SORCS1: variants seen among roughly 807,000 people sequenced by gnomAD.
SORCS1 encodes sortilin related VPS10 domain containing receptor 1.
A neutral mutation model predicts 146.1 loss-of-function variants in SORCS1; 60 were observed. That is an observed-to-expected ratio of 0.41 (90% confidence interval 0.33 to 0.51). The LOEUF is 0.51. SORCS1 is among the 20% of genes least tolerant of loss of function. The pLI is 0.21. For missense variants in SORCS1, 1,352 were observed against 1,487.6 expected (o/e 0.91, Z 1.50); for synonymous variants, 637 against 584.0 (o/e 1.09, Z -1.31).
intron 4 of SORCS1, among the ~76,000 whole-genome samples, chr10:106,775,954 A>C (rs1359873107): frequency 2.0e-5 from 3 of 152,240 alleles, no homozygotes; most frequent in African/African-American, 7.2e-5. Context: ...ATATACACAC[A>C]CACAGCTAAT....
At chr10:106,786,402 G>A (rs1457698861) in intron 3 of SORCS1, among the ~76,000 whole-genome samples, 1 of 152,076 alleles carries the variant, frequency 6.6e-6, no homozygotes, top group Non-Finnish European at 1.5e-5. Context: ...ACATCCTCCA[G>A]GACCCCCCAT....
At chr10:106,907,654 C>T (rs960374261) in intron 2 of SORCS1, among the ~76,000 whole-genome samples, 7 of 151,990 alleles carry the variant, frequency 4.6e-5, no homozygotes, top group South Asian at 2.1e-4. Context: ...CGGTTAGGTG[C>T]GGTGGCTCAC....
chr10:106,678,997 T>C (rs1007468807), intron 12 of SORCS1, among the ~76,000 whole-genome samples: 6 of 152,160 alleles, frequency 3.9e-5, no homozygotes, highest in African/African-American at 1.4e-4. Flanking sequence ...CTTAATTTGG[T>C]TTCATTGTGA....
chr10:107,035,434 G>C (rs1958866161), intron 1 of SORCS1, among the ~76,000 whole-genome samples: 1 of 152,132 alleles, frequency 6.6e-6, no homozygotes, highest in Admixed American at 6.5e-5. Flanking sequence ...CCGCAGCTTA[G>C]TGCCCTACCA....
intron 2 of SORCS1, among the ~76,000 whole-genome samples, chr10:106,880,521 T>C (rs1043016165): frequency 2.2e-4 from 34 of 152,170 alleles, no homozygotes; most frequent in Admixed American, 6.5e-5. Context: ...TTCAGATTCA[T>C]GGGTTTCTTT....
At chr10:106,858,372 C>T (rs2137387587) in intron 2 of SORCS1, among the ~76,000 whole-genome samples, 1 of 151,396 alleles carries the variant, frequency 6.6e-6, no homozygotes, top group Non-Finnish European at 1.5e-5. Flanking sequence ...GTAATCCCAG[C>T]ACTTGGGGAA....
intron 1 of SORCS1, among the ~76,000 whole-genome samples, chr10:107,044,165 G>A (rs560222632): frequency 7.2e-5 from 11 of 152,064 alleles, no homozygotes; most frequent in African/African-American, 2.4e-4. Flanking sequence ...TTAACCATTT[G>A]TTTTCAATAT....
chr10:106,664,281 T>G (rs1242572692), intron 17 of SORCS1, among the ~76,000 whole-genome samples: 7 of 152,348 alleles, frequency 4.6e-5, no homozygotes, highest in African/African-American at 1.7e-4. Context: ...GCATAGATGG[T>G]ATTCTTTTTG....
chr10:106,984,751 C>A (rs939668060), intron 1 of SORCS1, among the ~76,000 whole-genome samples: 13 of 152,034 alleles, frequency 8.6e-5, no homozygotes, highest in Non-Finnish European at 1.5e-4. Context: ...TAGTAAAGAG[C>A]ATGAAATTAA....
At chr10:106,742,595 G>A (rs755632102) in intron 5 of SORCS1, among the ~76,000 whole-genome samples, 1 of 152,128 alleles carries the variant, frequency 6.6e-6, no homozygotes, top group African/African-American at 2.4e-5. Flanking sequence ...GGCCAGGTTG[G>A]TCTCAAACTC....
chr10:107,141,305 A>G (rs1367601836), intron 1 of SORCS1, among the ~76,000 whole-genome samples: 1 of 152,210 alleles, frequency 6.6e-6, no homozygotes, highest in Non-Finnish European at 1.5e-5. Context: ...GGAGGGGCAC[A>G]CACACATTAT....
intron 1 of SORCS1, among the ~76,000 whole-genome samples, chr10:107,014,273 G>GAA (rs769896150): frequency 2.4e-5 from 3 of 125,928 alleles, no homozygotes; most frequent in Admixed American, 1.6e-4. Flanking sequence ...AAAAAAAAAA[G>GAA]AAAAGAAAAA....
At chr10:107,140,859 AT>A (rs760766499) in intron 1 of SORCS1, among the ~76,000 whole-genome samples, 1 of 152,212 alleles carries the variant, frequency 6.6e-6, no homozygotes, top group Non-Finnish European at 1.5e-5. Flanking sequence ...CATTTTATGA[AT>A]GATGAAATGA....
At chr10:106,599,230 G>T (rs1846086367) in intron 23 of SORCS1, among the ~76,000 whole-genome samples, 1 of 152,022 alleles carries the variant, frequency 6.6e-6, no homozygotes, top group Non-Finnish European at 1.5e-5. Context: ...AGCCAGGCAT[G>T]GTGGTGCACA....
chr10:106,751,171 C>T (rs1858203138), intron 5 of SORCS1, among the ~76,000 whole-genome samples: 1 of 150,000 alleles, frequency 6.7e-6, no homozygotes, highest in African/African-American at 2.5e-5. Flanking sequence ...AGAAGAAATA[C>T]CACGCCTCTC....
At chr10:106,914,218 A>G (rs779646567) in intron 2 of SORCS1, among the ~76,000 whole-genome samples, 4 of 152,358 alleles carry the variant, frequency 2.6e-5, no homozygotes, top group South Asian at 4.1e-4. Flanking sequence ...TTTTAAAAAC[A>G]AATTTATTAG....
intron 5 of SORCS1, among the ~76,000 whole-genome samples, chr10:106,735,146 C>CA (rs56273269): frequency 0.085 from 11,000 of 128,658 alleles, 1,129 homozygotes; most frequent in African/African-American, 0.24. Context: ...GACTCCATCT[C>CA]AAAAAAAAAA....
chr10:106,954,215 C>G (rs1954830180), intron 2 of SORCS1, among the ~76,000 whole-genome samples: 1 of 152,182 alleles, frequency 6.6e-6, no homozygotes, highest in Non-Finnish European at 1.5e-5. Flanking sequence ...TGAGACAAAA[C>G]TGCATTATCT....
At chr10:106,926,435 A>C (rs921483584) in intron 2 of SORCS1, among the ~76,000 whole-genome samples, 1 of 152,160 alleles carries the variant, frequency 6.6e-6, no homozygotes, top group Non-Finnish European at 1.5e-5. Flanking sequence ...TCATCTGAAA[A>C]GTGGGGATTA....
Sources: gnomAD v4.1 joint callset for allele counts (sites outside exome capture counted in the v4.1 genomes callset) on GRCh38, gnomAD v4.1.1 for gene constraint, MANE v1.5 for transcripts, NCBI Gene and HGNC (gene_info 2026-07-23, HGNC 2026-07-21) for gene names.